ELAPOR1: variants seen among roughly 807,000 people sequenced by gnomAD.
ELAPOR1 encodes the protein endosome-lysosome associated apoptosis and autophagy regulator 1.
A neutral mutation model predicts 119.7 loss-of-function variants in ELAPOR1; 77 were observed. The ratio of observed to expected loss-of-function variants is 0.64; its 90% CI spans 0.54 to 0.78. The LOEUF is 0.78. ELAPOR1 is among the 30% of genes least tolerant of loss of function. The pLI is 0.00. For missense variants in ELAPOR1, 1,115 were observed against 1,270.4 expected, an observed-to-expected ratio of 0.88 and a Z score of 1.86; for synonymous variants, 481 against 487.2, an observed-to-expected ratio of 0.99 and a Z score of 0.17.
At chr1:109,115,489 C>T (rs1258791588) in intron 1 of ELAPOR1, among the ~76,000 whole-genome samples, 2 of 152,078 alleles carry the variant, frequency 1.3e-5, no homozygotes, top group Admixed American at 6.5e-5. Flanking sequence ...TATACTGCCC[C>T]GGCCAGTCTC....
intron 18 of ELAPOR1, among the ~76,000 whole-genome samples, chr1:109,199,040 G>C (rs1654002640): frequency 6.6e-6 from 1 of 152,172 alleles, no homozygotes; most frequent in African/African-American, 2.4e-5. Flanking sequence ...TGGGCATAAT[G>C]CTAAATTCCC....
chr1:109,183,636 C>CCTTCCTTT (rs150843023), intron 7 of ELAPOR1, among the ~76,000 whole-genome samples: 108,636 of 133,882 alleles, frequency 0.81, 45,807 homozygotes, highest in East Asian at 0.99. Context: ...TTCCTTCCTT[C>CCTTCCTTT]CTAACAGAGT....
chr1:109,132,120 T>C (rs781053683), intron 1 of ELAPOR1, among the ~76,000 whole-genome samples: 1 of 152,158 alleles, frequency 6.6e-6, no homozygotes, highest in Non-Finnish European at 1.5e-5. Context: ...TATGAACTTA[T>C]TCATTTATTC....
intron 5 of ELAPOR1, 111 bp from the exon 6 acceptor site, chr1:109,173,363 G>A: frequency 1.2e-6 from 1 of 838,402 alleles, no homozygotes; most frequent in Non-Finnish European, 2.0e-6. Context: ...AGGGTCAGAA[G>A]AAGCATTACC....
intron 1 of ELAPOR1, among the ~76,000 whole-genome samples, chr1:109,153,616 G>GTGTTT (rs201426802): frequency 0.032 from 4,745 of 148,434 alleles, 234 homozygotes; most frequent in African/African-American, 0.11. Flanking sequence ...CTTGTGGCAG[G>GTGTTT]TGTTTTGTTT....
Position 109,192,835 on chromosome 1 carries a change from G to A in ELAPOR1, c.1908G>A (p.Gln636=), listed in dbSNP as rs370075485. ...AAGCCCACCAGCCTTATGGTGTCCA[G>A]GCCTGTGTGCCCTGTGGTCCAGGGA... is the stretch of plus-strand genomic sequence containing the variant. The part of the protein sequence containing the change: ...ILKAHQPYGV[Q]ACVPCGPGTK... The change falls in exon 14 of 22, where the codon CAG becomes CAA. Residue 636 remains glutamine, a synonymous_variant. Transcript: ENST00000369939. The A allele has an allele frequency of 5.1e-5, 83 of 1,613,960 alleles. No homozygotes were observed. Among genetic ancestry groups the A allele is most frequent in the Non-Finnish European group, 6.6e-5 (78 of 1,180,042 alleles).
At position 109,192,742 on chromosome 1, in the gene ELAPOR1, T is replaced by C; in HGVS notation, c.1815T>C (p.Cys605=). ...ASDVGSSCTS[C]PAGYYIDRDS... ...ATGTGGGCTCCTCCTGCACCTCTTG[T>C]CCTGCTGGTTACTATATTGACCGAG... The change falls in exon 14 of 22, where the codon TGT becomes TGC. Residue 605 remains cysteine (C), a synonymous_variant. Coordinates refer to ENST00000369939, the MANE Select transcript of ELAPOR1 (RefSeq NM_020775.5). 1 of 1,614,080 alleles carries C rather than the reference T, an allele frequency of 6.2e-7. No homozygotes were observed.
intron 1 of ELAPOR1, among the ~76,000 whole-genome samples, chr1:109,132,034 AG>A (rs1190266309): frequency 6.6e-6 from 1 of 152,218 alleles, no homozygotes; most frequent in African/African-American, 2.4e-5. Flanking sequence ...TTTTTTGAGC[AG>A]GGGAGTGATA....
At chr1:109,154,461 G>A (rs939635214) in intron 1 of ELAPOR1, among the ~76,000 whole-genome samples, 15 of 152,078 alleles carry the variant, frequency 9.9e-5, no homozygotes, top group East Asian at 3.9e-4. Flanking sequence ...AGAATGAATC[G>A]AATGACCACC....
rs1355940835 is a variant in ELAPOR1 at position 109,164,493 on chromosome 1, T to C, written c.275-6T>C. On this transcript the variant is annotated splice_region_variant and splice_polypyrimidine_tract_variant and intron_variant, in intron 2 of 21. Coordinates refer to ENST00000369939, the MANE Select transcript of ELAPOR1 (RefSeq NM_020775.5). Reference sequence around the variant, plus strand: ...TGCCCCACCTTGTCTCTGCCCTGTTTTCCAGCCTTCTCCTGCAACGCCGGG... The same window carrying C: ...TGCCCCACCTTGTCTCTGCCCTGTTCTCCAGCCTTCTCCTGCAACGCCGGG... 2 of 1,604,980 alleles carry C rather than the reference T, an allele frequency of 1.2e-6. No homozygotes were observed. The highest frequency in any genetic ancestry group is 4.5e-5 in the East Asian group (2 of 44,720).
chr1:109,166,742 C>A (rs1651623417), intron 3 of ELAPOR1, among the ~76,000 whole-genome samples: 1 of 152,092 alleles, frequency 6.6e-6, no homozygotes, highest in Non-Finnish European at 1.5e-5. Flanking sequence ...AACACTGGGT[C>A]CTAGGGAGCG....
chr1:109,180,630 T>C (rs1652634310), intron 7 of ELAPOR1, among the ~76,000 whole-genome samples: 1 of 152,208 alleles, frequency 6.6e-6, no homozygotes, highest in South Asian at 2.1e-4. Flanking sequence ...ATTTTATTAA[T>C]TCATTTACCT....
chr1:109,199,811 C>A (rs376773681), intron 18 of ELAPOR1, 43 bp from the exon 19 acceptor site: 10 of 1,600,920 alleles, frequency 6.2e-6, no homozygotes, highest in Non-Finnish European at 8.5e-6. Context: ...CTTCCCCACC[C>A]CTCCAGCGAG....
chr1:109,135,280 G>A (rs1201754397), intron 1 of ELAPOR1, among the ~76,000 whole-genome samples: 1 of 151,784 alleles, frequency 6.6e-6, no homozygotes, highest in Non-Finnish European at 1.5e-5. Context: ...GTCTCGCTCT[G>A]TCCCCGAGGC....
At chr1:109,199,716 T>C in intron 18 of ELAPOR1, 138 bp from the exon 19 acceptor site, 1 of 1,009,590 alleles carries the variant, frequency 9.9e-7, no homozygotes, top group Admixed American at 2.4e-5. Context: ...TAAGGACTAG[T>C]TGGAAGGATC....
intron 1 of ELAPOR1, among the ~76,000 whole-genome samples, chr1:109,127,215 CT>C (rs371961969): frequency 0.14 from 17,792 of 128,916 alleles, 1,573 homozygotes; most frequent in African/African-American, 0.27. Flanking sequence ...TTTTTCTTTT[CT>C]TTTTTTTTTT....
intron 1 of ELAPOR1, among the ~76,000 whole-genome samples, chr1:109,156,385 T>C (rs1650874771): frequency 6.6e-6 from 1 of 152,214 alleles, no homozygotes; most frequent in South Asian, 2.1e-4. Flanking sequence ...TTCAGTGGCA[T>C]GAAGTACATT....
rs56659491 is a variant in ELAPOR1 at position 109,187,340 on chromosome 1, G to A, written c.1042-837G>A. The A allele has an allele frequency of 9.6e-4, 948 of 985,498 alleles. 7 individuals are homozygous for A. The African/African-American group carries it at 0.015, about 15-fold the overall frequency. 61.0% of individuals were successfully genotyped at this position (985,498 alleles called of 1,614,324 possible). ...GCAGCCCTCCGCAGGGAAGAGGGCCGAGCTGAGCAGGGGAAGGAGGAGCCC... is the reference window on the plus strand; with the variant it reads ...GCAGCCCTCCGCAGGGAAGAGGGCCAAGCTGAGCAGGGGAAGGAGGAGCCC... On this transcript the variant is annotated intron_variant, in intron 8 of 21. Transcript: ENST00000369939.
intron 12 of ELAPOR1, 115 bp from the exon 13 acceptor site, chr1:109,191,611 T>C (rs1653442235): frequency 4.8e-6 from 7 of 1,458,400 alleles, no homozygotes; most frequent in African/African-American, 1.4e-5. Flanking sequence ...CAGCAGGGAC[T>C]TCACAGTTTA....
Sources: allele counts gnomAD v4.1 joint callset (sites outside exome capture counted in the v4.1 genomes callset), GRCh38; gene constraint gnomAD v4.1.1; transcripts MANE v1.5; gene names NCBI Gene and HGNC (gene_info 2026-07-23, HGNC 2026-07-21).